The following NANOG variants were observed in gnomAD, a reference collection of about 807,000 sequenced individuals.
NANOG encodes homeobox protein NANOG.
Under a neutral mutation model 17.7 loss-of-function variants are expected in NANOG, and 2 were observed. The observed-to-expected ratio is 0.11, with a 90% CI of 0.05 to 0.36. NANOG has a LOEUF of 0.36. NANOG is among the 10% of genes least tolerant of loss of function. The pLI, the probability that NANOG is intolerant of heterozygous loss-of-function variation, is 1.00. For synonymous variants in NANOG, 81 were observed against 124.7 expected (o/e 0.65, Z 2.33); for missense variants, 174 against 362.1 (o/e 0.48, Z 4.22).
chr12:7,794,314 C>G, intron 2 of NANOG, 143 bp from the exon 3 acceptor site: 1 of 716,378 alleles, frequency 1.4e-6, no homozygotes, highest in Admixed American at 2.7e-5. Context: ...CTCAAGCAAT[C>G]TGCCCGCCTT....
intron 1 of NANOG, among the ~76,000 whole-genome samples, chr12:7,790,414 CT>C (rs1234148537): frequency 6.6e-6 from 1 of 152,164 alleles, no homozygotes; most frequent in Non-Finnish European, 1.5e-5. Flanking sequence ...AAAGTTTAAT[CT>C]ACTGACAGTC....
At chr12:7,789,837 A>G (rs1862812675) in intron 1 of NANOG, 72 bp downstream of exon 1, 3 of 1,459,918 alleles carry the variant, frequency 2.1e-6, no homozygotes, top group South Asian at 2.3e-5. Context: ...GGGTTAAGGG[A>G]TCATTTCCCT....
chr12:7,793,761 G>T (rs936805656), intron 2 of NANOG, among the ~76,000 whole-genome samples: 14 of 151,854 alleles, frequency 9.2e-5, no homozygotes, highest in African/African-American at 3.4e-4. Context: ...GAGTGCAGTG[G>T]CCTCATAATG....
In NANOG at chr12:7,796,149, G is replaced by A. The variant is rs1001988426; in HGVS notation, c.*1054G>A. The A allele has an allele frequency of 1.3e-5, 2 of 152,220 alleles. No individual in the cohort carries two copies. The highest frequency in any genetic ancestry group is 1.5e-5 in the Non-Finnish European group (1 of 68,050). 9.4% of individuals were successfully genotyped at this position (152,220 alleles called of 1,614,324 possible). A position where few individuals can be genotyped will look rare whatever the true frequency, so the allele number is the denominator to read the frequency against. On this transcript the variant is annotated 3_prime_UTR_variant, in exon 4 of 4. Coordinates refer to ENST00000229307, the MANE Select transcript of NANOG (RefSeq NM_024865.4). ...AAATGCATAGAAATAGCTGAGCGTG[G>A]TGGCCTATGCCTGTAGTCCCAGCTA...
At chr12:7,790,626 C>A (rs771288577) in intron 1 of NANOG, among the ~76,000 whole-genome samples, 1 of 152,114 alleles carries the variant, frequency 6.6e-6, no homozygotes, top group Non-Finnish European at 1.5e-5. Flanking sequence ...TAACACTGAA[C>A]GCTGTAAAAT....
intron 1 of NANOG, among the ~76,000 whole-genome samples, chr12:7,790,696 A>C (rs1862827562): frequency 6.6e-6 from 1 of 152,208 alleles, no homozygotes; most frequent in African/African-American, 2.4e-5. Flanking sequence ...GTGGAAAAGG[A>C]ATAAGTAAAC....
chr12:7,791,038 G>T (rs1196560573), intron 1 of NANOG, among the ~76,000 whole-genome samples: 3 of 151,730 alleles, frequency 2.0e-5, no homozygotes, highest in African/African-American at 7.3e-5. Flanking sequence ...GACCCACTCT[G>T]CATGGCTATT....
In NANOG at chr12:7,798,671, C is replaced by A; in HGVS notation, c.*3576C>A. The A allele has an allele frequency of 7.4e-6, 1 of 135,014 alleles. No homozygotes were observed. 8.4% of individuals were successfully genotyped at this position (135,014 alleles called of 1,614,324 possible). ...ACTCAGAAGTGGGAGGAATACAGGCCTTGATTAGTGAATTTCAAGCTCAGT... is the reference window on the plus strand; with the variant it reads ...ACTCAGAAGTGGGAGGAATACAGGCATTGATTAGTGAATTTCAAGCTCAGT... On this transcript the variant is annotated 3_prime_UTR_variant, in exon 4 of 4. Coordinates refer to ENST00000229307, the MANE Select transcript of NANOG (RefSeq NM_024865.4).
chr12:7,789,619 G>A lies in NANOG; in HGVS notation c.5G>A (p.Ser2Asn), dbSNP rs142192505. ...CTCCTCTTCCTCTATACTAACATGA[G>A]TGTGGATCCAGCTTGTCCCCAAAGC... M[S>N]VDPACPQSLP... is the part of the protein sequence containing the mutation. Residue 2 changes from serine to asparagine, a missense_variant, in exon 1 of 4, where the codon AGT (serine) becomes AAT (asparagine). Coordinates refer to ENST00000229307, the MANE Select transcript of NANOG (RefSeq NM_024865.4). The A allele has an allele frequency of 3.7e-6, 6 of 1,613,498 alleles. No individual in the cohort carries two copies. The Admixed American group carries it at 1.0e-4, about 27-fold the overall frequency.
intron 1 of NANOG, among the ~76,000 whole-genome samples, chr12:7,790,234 G>GT (rs1174329214): frequency 6.6e-6 from 1 of 152,188 alleles, no homozygotes; most frequent in African/African-American, 2.4e-5. Context: ...TGAGATTTCT[G>GT]TAATACATAA....
At chr12:7,792,687 G>A (rs1862858497) in intron 1 of NANOG, among the ~76,000 whole-genome samples, 1 of 152,044 alleles carries the variant, frequency 6.6e-6, no homozygotes, top group Admixed American at 6.6e-5. Flanking sequence ...AAGGGGTAGC[G>A]CCGCTCAGCA....
At chr12:7,789,849 T>C in intron 1 of NANOG, 84 bp downstream of exon 1, 1 of 1,368,868 alleles carries the variant, frequency 7.3e-7, no homozygotes, top group Admixed American at 1.7e-5. Context: ...CATTTCCCTC[T>C]TGAGCAATGA....
rs367909941 is a variant in NANOG, at chr12:7,793,068, G to A, written c.270G>A (p.Lys90=). ...AGAGTGTCGCAAAAAAGGAAGACAA[G>A]GTCCCGGTCAAGAAACAGAAGACCA... is the stretch of plus-strand genomic sequence containing the variant. ...AEKSVAKKED[K]VPVKKQKTRT... is the part of the protein sequence containing the mutation. The change falls in exon 2 of 4, where the codon AAG becomes AAA. Residue 90 remains lysine (K), a synonymous_variant. Coordinates refer to ENST00000229307, the MANE Select transcript of NANOG (RefSeq NM_024865.4). 2 of 1,610,082 alleles carry A rather than the reference G, an allele frequency of 1.2e-6. No individual in the cohort carries two copies. Among genetic ancestry groups the A allele is most frequent in the African/African-American group, 1.3e-5 (1 of 74,940 alleles).
chr12:7,794,338 G>C, intron 2 of NANOG, 119 bp from the exon 3 acceptor site: 2 of 944,654 alleles, frequency 2.1e-6, no homozygotes, highest in Non-Finnish European at 3.2e-6. Context: ...CTTCCAAAGT[G>C]TTGGGATTAC....
chr12:7,791,454 T>C (rs1258023460), intron 1 of NANOG, among the ~76,000 whole-genome samples: 2 of 152,114 alleles, frequency 1.3e-5, no homozygotes, highest in African/African-American at 2.4e-5. Context: ...TGTGTTTTCT[T>C]TAGCACACAT....
At chr12:7,794,422 G>A (rs777304924) in intron 2 of NANOG, 35 bp from the exon 3 acceptor site, 40 of 1,570,280 alleles carry the variant, frequency 2.5e-5, no homozygotes, top group Admixed American at 8.7e-5. Flanking sequence ...TCTGTATTAT[G>A]AATATTTTAC....
chr12:7,795,488 ATAT>A lies in NANOG; in HGVS notation c.*395_*397del, dbSNP rs1862916345. On this transcript the variant is annotated 3_prime_UTR_variant, in exon 4 of 4. Transcript: ENST00000229307. ...AGGCGCCCGCCACCTCGCCCGGCTAATATTTTGTATTTTTAGTAGAGACGGGGT... is the reference window on the plus strand; with the variant it reads ...AGGCGCCCGCCACCTCGCCCGGCTAATTTGTATTTTTAGTAGAGACGGGGT... 1 of 245,260 alleles carries A rather than the reference ATAT, an allele frequency of 4.1e-6. No homozygotes were observed. The highest frequency in any genetic ancestry group is 7.9e-6 in the Non-Finnish European group (1 of 126,726). The allele number at this position is 245,260 out of a possible 1,614,324, so 15.2% of individuals were successfully genotyped here.
At chr12:7,794,599 T>C in intron 3 of NANOG, 56 bp downstream of exon 3, 4 of 1,603,926 alleles carry the variant, frequency 2.5e-6, no homozygotes, top group South Asian at 1.1e-5. Flanking sequence ...ATCTTGTCCA[T>C]CCCTGAAACA....
rs968906822 is a variant in NANOG at position 7,797,460 on chromosome 12, T to A, written c.*2365T>A. ...GCAACCTGCACCTCCCAGGTTCAAGTGATTCTCTTGCCTCAGCCTTTCGAG... is the reference window on the plus strand; with the variant it reads ...GCAACCTGCACCTCCCAGGTTCAAGAGATTCTCTTGCCTCAGCCTTTCGAG... On this transcript the variant is annotated 3_prime_UTR_variant, in exon 4 of 4. Transcript: ENST00000229307. 3 of 149,998 alleles carry A rather than the reference T, an allele frequency of 2.0e-5. No homozygotes were observed. The highest frequency in any genetic ancestry group is 4.4e-5 in the Non-Finnish European group (3 of 67,828). 9.3% of individuals were successfully genotyped at this position (149,998 alleles called of 1,614,324 possible). A position where few individuals can be genotyped will look rare whatever the true frequency, so the allele number is the denominator to read the frequency against.
Sources: gnomAD v4.1 joint callset for allele counts (sites outside exome capture counted in the v4.1 genomes callset) on GRCh38, gnomAD v4.1.1 for gene constraint, MANE v1.5 for transcripts, NCBI Gene and HGNC (gene_info 2026-07-23, HGNC 2026-07-21) for gene names.